The following MRTFB variants were observed in gnomAD, a reference collection of about 807,000 sequenced individuals.
MRTFB encodes myocardin-related transcription factor B.
In MRTFB, 29 loss-of-function variants were observed where a neutral mutation model predicts 104.2. The observed-to-expected ratio is 0.28, with a 90% CI of 0.21 to 0.38. The LOEUF is 0.38. MRTFB is among the 10% of genes least tolerant of loss of function. MRTFB has a pLI of 1.00. For missense variants in MRTFB, 1,270 were observed against 1,341.6 expected (o/e 0.95, Z 0.83); for synonymous variants, 535 against 519.5 (o/e 1.03, Z -0.41).
At chr16:14,256,458 G>C (rs2043498606) in intron 15 of MRTFB, among the ~76,000 whole-genome samples, 1 of 152,198 alleles carries the variant, frequency 6.6e-6, no homozygotes, top group Non-Finnish European at 1.5e-5. Flanking sequence ...GTGATGGTGT[G>C]TGACTCCAGA....
At chr16:13,996,895 T>C in the MRTFB span, among the ~76,000 whole-genome samples, 2 of 152,236 alleles carry the variant, frequency 1.3e-5, no homozygotes, top group Admixed American at 1.3e-4. Context: ...TCTCACCTGA[T>C]TGTCTTGAGG....
intron 13 of MRTFB, among the ~76,000 whole-genome samples, 193 bp downstream of exon 13, chr16:14,249,274 A>G (rs1020961330): frequency 1.3e-5 from 2 of 152,212 alleles, no homozygotes; most frequent in African/African-American, 4.8e-5. Context: ...ATGGAGAAAG[A>G]CCTTTTCATT....
the MRTFB span, among the ~76,000 whole-genome samples, chr16:14,038,219 T>C: frequency 1.3e-5 from 2 of 152,168 alleles, no homozygotes; most frequent in Non-Finnish European, 2.9e-5. Context: ...TGTGTGTCTG[T>C]GTTCTAACTA....
chr16:14,118,271 G>T (rs992079997), intron 2 of MRTFB, among the ~76,000 whole-genome samples: 9 of 151,378 alleles, frequency 5.9e-5, no homozygotes, highest in Non-Finnish European at 1.2e-4. Context: ...TGAGTAGCTG[G>T]GACTACAGGC....
chr16:14,208,498 A>AT (rs1236292956), intron 3 of MRTFB, among the ~76,000 whole-genome samples: 1 of 152,132 alleles, frequency 6.6e-6, no homozygotes, highest in Non-Finnish European at 1.5e-5. Flanking sequence ...GAAAGGAAAG[A>AT]TTTTCCTGCT....
intron 1 of MRTFB, among the ~76,000 whole-genome samples, chr16:14,075,881 G>A (rs1486159165): frequency 1.3e-5 from 2 of 152,080 alleles, no homozygotes; most frequent in African/African-American, 4.8e-5. Context: ...TTTGCGAGGT[G>A]CTTTTAACAT....
chr16:14,245,842 A>G (rs569635203), intron 11 of MRTFB, among the ~76,000 whole-genome samples, 182 bp downstream of exon 11: 19 of 152,366 alleles, frequency 1.2e-4, no homozygotes, highest in Non-Finnish European at 2.5e-4. Flanking sequence ...AAAACAACCA[A>G]TAACTGTCAT....
chr16:14,112,519 T>C (rs1356505819), intron 2 of MRTFB, among the ~76,000 whole-genome samples: 2 of 152,206 alleles, frequency 1.3e-5, no homozygotes, highest in African/African-American at 4.8e-5. Flanking sequence ...TCACCACCAC[T>C]TAAAAGGGCT....
intron 3 of MRTFB, among the ~76,000 whole-genome samples, chr16:14,169,923 G>A (rs958722873): frequency 2.0e-5 from 3 of 152,074 alleles, no homozygotes; most frequent in Admixed American, 6.5e-5. Flanking sequence ...TGTCATTTTA[G>A]GGGTTGGCCT....
At chr16:14,245,718 T>G in intron 11 of MRTFB, 58 bp downstream of exon 11, 2 of 1,563,244 alleles carry the variant, frequency 1.3e-6, no homozygotes, top group Non-Finnish European at 1.7e-6. Flanking sequence ...GTAAATGATT[T>G]GCCAGCGTTG....
chr16:14,196,558 C>T (rs989581935), intron 3 of MRTFB, among the ~76,000 whole-genome samples: 1 of 152,174 alleles, frequency 6.6e-6, no homozygotes, highest in African/African-American at 2.4e-5. Flanking sequence ...GGTCTAGAGC[C>T]TAACTTTTTT....
Position 14,261,428 on chromosome 16 carries a change from C to T in MRTFB, c.3284C>T (p.Pro1095Leu), listed in dbSNP as rs780461753. Residue 1095 changes from proline (P) to leucine (L), a missense_variant, in exon 17 of 17, where the codon CCG (proline) becomes CTG (leucine). Pro to Leu is a moderately conservative substitution (Grantham distance 98). Coordinates refer to ENST00000571589, the MANE Select transcript of MRTFB (RefSeq NM_001308142.2). ...SADFLDPQDL[P>L]LPWD ...GACTTTCTAGACCCACAGGACCTACCGCTGCCATGGGACTAACGTCACAGA... is the reference window on the plus strand; with the variant it reads ...GACTTTCTAGACCCACAGGACCTACTGCTGCCATGGGACTAACGTCACAGA... 13 of 1,601,606 alleles carry T rather than the reference C, an allele frequency of 8.1e-6. No homozygotes were observed. The highest frequency in any genetic ancestry group is 3.3e-4 in the Middle Eastern group (2 of 6,026).
chr16:14,046,375 C>T, the MRTFB span, among the ~76,000 whole-genome samples: 6 of 152,190 alleles, frequency 3.9e-5, no homozygotes, highest in South Asian at 1.0e-3. Context: ...CCTCTTTGAT[C>T]CCAGTGGGTT....
intron 2 of MRTFB, among the ~76,000 whole-genome samples, chr16:14,082,067 T>G (rs1013199059): frequency 6.6e-6 from 1 of 152,258 alleles, no homozygotes; most frequent in African/African-American, 2.4e-5. Flanking sequence ...TGTCAGTTTG[T>G]GCTTTTATTG....
At chr16:14,221,776 TCC>T (rs1491131335) in intron 8 of MRTFB, among the ~76,000 whole-genome samples, 2 of 132,694 alleles carry the variant, frequency 1.5e-5, no homozygotes, top group African/African-American at 2.8e-5. Flanking sequence ...GATATTTCTT[TCC>T]TTTTTTTTTT....
the MRTFB span, among the ~76,000 whole-genome samples, chr16:14,039,760 C>CTTTTTTTTTT: frequency 8.2e-6 from 1 of 121,940 alleles, no homozygotes; most frequent in East Asian, 2.4e-4. Flanking sequence ...ATAATATGTT[C>CTTTTTTTTTT]TTTTTTTTTT....
the MRTFB span, among the ~76,000 whole-genome samples, chr16:14,002,430 G>A: frequency 6.6e-6 from 1 of 151,032 alleles, no homozygotes; most frequent in Non-Finnish European, 1.5e-5. Context: ...AGGTGTTAAT[G>A]ACCTAGGCTA....
In MRTFB at chr16:14,264,821, C is replaced by T. The variant is rs148623851; in HGVS notation, c.*3377C>T. Reference sequence around the variant, plus strand: ...TACCCTGAGTGATGGCTCAGGGGCGCACTACCTATTTTGTCACCAGAGCTG... The same window carrying T: ...TACCCTGAGTGATGGCTCAGGGGCGTACTACCTATTTTGTCACCAGAGCTG... On this transcript the variant is annotated 3_prime_UTR_variant, in exon 17 of 17. Transcript: ENST00000571589. 1 of 152,328 alleles carries T rather than the reference C, an allele frequency of 6.6e-6. No homozygotes were observed. Among genetic ancestry groups the T allele is most frequent in the African/African-American group, 2.4e-5 (1 of 41,550 alleles). 9.4% of individuals were successfully genotyped at this position (152,328 alleles called of 1,614,324 possible). A position where few individuals can be genotyped will look rare whatever the true frequency, so the allele number is the denominator to read the frequency against.
Position 14,247,731 on chromosome 16 carries a change from C to T in MRTFB, c.2247+224C>T, listed in dbSNP as rs1049529307. 5.4e-6 allele frequency: 3 copies of T among 555,780 alleles called. No homozygotes were observed. In the East Asian group the frequency reaches 8.9e-5, roughly 16 times the overall value. The allele number at this position is 555,780 out of a possible 1,614,324, so 34.4% of individuals were successfully genotyped here. A position where few individuals can be genotyped will look rare whatever the true frequency, so the allele number is the denominator to read the frequency against. On this transcript the variant is annotated intron_variant, in intron 12 of 16. Transcript: ENST00000571589. ...TGCTTTTCTAGTCCTGTTACCTTTT[C>T]CCTTGAATGAACACAGTATCATCCA...
Sources: allele counts gnomAD v4.1 joint callset (sites outside exome capture counted in the v4.1 genomes callset), GRCh38; gene constraint gnomAD v4.1.1; transcripts MANE v1.5; gene names NCBI Gene and HGNC (gene_info 2026-07-23, HGNC 2026-07-21).